The following MTHFD1L variants were observed in gnomAD, a reference collection of about 807,000 sequenced individuals.
MTHFD1L encodes the protein monofunctional C1-tetrahydrofolate synthase, mitochondrial.
In MTHFD1L, 81 loss-of-function variants were observed where a neutral mutation model predicts 119.5. The observed-to-expected ratio is 0.68, with a 90% confidence interval of 0.57 to 0.82. MTHFD1L has a LOEUF of 0.82. Ranked by LOEUF, MTHFD1L falls within the 40% of genes least tolerant of loss-of-function variation. The pLI is 0.00. For synonymous variants in MTHFD1L, 430 were observed against 475.2 expected, an observed-to-expected ratio of 0.90 and a Z score of 1.24; for missense variants, 1,125 against 1,253.4, an observed-to-expected ratio of 0.90 and a Z score of 1.55.
At chr6:151,040,035 G>C (rs1786846479) in intron 26 of MTHFD1L, among the ~76,000 whole-genome samples, 1 of 152,204 alleles carries the variant, frequency 6.6e-6, no homozygotes, top group Non-Finnish European at 1.5e-5. Flanking sequence ...TTGGCTTAGG[G>C]ATAAGAGGGC....
intron 20 of MTHFD1L, among the ~76,000 whole-genome samples, chr6:151,000,904 C>T (rs1460575046): frequency 6.6e-6 from 1 of 152,218 alleles, no homozygotes; most frequent in Non-Finnish European, 1.5e-5. Context: ...TTGCTTGTTC[C>T]TCTACAAAGC....
chr6:151,086,931 A>G (rs189638330), intron 26 of MTHFD1L, among the ~76,000 whole-genome samples: 1 of 152,146 alleles, frequency 6.6e-6, no homozygotes, highest in Non-Finnish European at 1.5e-5. Context: ...TAGTTACTTC[A>G]TTGAAAAGAA....
intron 20 of MTHFD1L, 121 bp downstream of exon 20, chr6:150,972,179 T>A (rs527383841): frequency 1.6e-5 from 13 of 823,544 alleles, no homozygotes; most frequent in Non-Finnish European, 2.5e-5. Flanking sequence ...CCCTCTTTCA[T>A]AGAGGGTCTC....
intron 25 of MTHFD1L, among the ~76,000 whole-genome samples, chr6:151,035,967 A>G (rs1400466509): frequency 6.6e-6 from 1 of 152,236 alleles, no homozygotes; most frequent in African/African-American, 2.4e-5. Flanking sequence ...TCTTATCGGT[A>G]TAGAAGAGTG....
At chr6:151,029,892 T>A (rs982068567) in intron 24 of MTHFD1L, among the ~76,000 whole-genome samples, 4 of 152,370 alleles carry the variant, frequency 2.6e-5, no homozygotes, top group Admixed American at 2.6e-4. Context: ...GTGAGTTTTT[T>A]AAATTATTAA....
chr6:150,910,239 C>A (rs1172003389), intron 8 of MTHFD1L, among the ~76,000 whole-genome samples: 1 of 151,416 alleles, frequency 6.6e-6, no homozygotes, highest in East Asian at 2.0e-4. Flanking sequence ...CAGGATTAAC[C>A]TAACTCAAGG....
At chr6:151,015,433 A>C (rs1452743649) in intron 23 of MTHFD1L, 83 bp from the exon 24 acceptor site, 1 of 1,453,582 alleles carries the variant, frequency 6.9e-7, no homozygotes, top group East Asian at 2.3e-5. Context: ...TAGGGAGCGA[A>C]GTTCTGTATA....
intron 27 of MTHFD1L, among the ~76,000 whole-genome samples, chr6:151,093,147 G>A (rs567470258): frequency 2.0e-5 from 3 of 152,116 alleles, no homozygotes; most frequent in Non-Finnish European, 4.4e-5. Flanking sequence ...ACGCCACCTC[G>A]AGACTCTGGG....
chr6:151,029,130 T>C (rs941956398), intron 24 of MTHFD1L, among the ~76,000 whole-genome samples: 2 of 151,428 alleles, frequency 1.3e-5, no homozygotes, highest in Non-Finnish European at 2.9e-5. Flanking sequence ...CTTAAAAATA[T>C]ATATTTTAGG....
intron 24 of MTHFD1L, among the ~76,000 whole-genome samples, chr6:151,017,317 T>A (rs1030252132): frequency 1.3e-5 from 2 of 151,874 alleles, no homozygotes; most frequent in African/African-American, 4.8e-5. Context: ...TAGCATAATG[T>A]GCGTGCATGT....
At chr6:150,899,436 G>A (rs145886267) in intron 7 of MTHFD1L, among the ~76,000 whole-genome samples, 5 of 152,322 alleles carry the variant, frequency 3.3e-5, no homozygotes, top group Admixed American at 3.3e-4. Flanking sequence ...CGTGAAGTGG[G>A]TAAAATACCT....
intron 20 of MTHFD1L, among the ~76,000 whole-genome samples, chr6:150,972,903 T>G (rs1481488294): frequency 6.6e-6 from 1 of 152,220 alleles, no homozygotes; most frequent in African/African-American, 2.4e-5. Context: ...CTCTTTGGCT[T>G]TTCTTGCATA....
intron 7 of MTHFD1L, chr6:150,898,897 G>C (rs542731116): frequency 1.5e-6 from 1 of 679,522 alleles, no homozygotes; most frequent in Non-Finnish European, 2.0e-6. Flanking sequence ...GAGTGCAGGC[G>C]CGTGATCTAG....
At chr6:150,951,905 A>C (rs1482225914) in intron 16 of MTHFD1L, among the ~76,000 whole-genome samples, 1 of 152,158 alleles carries the variant, frequency 6.6e-6, no homozygotes, top group Non-Finnish European at 1.5e-5. Flanking sequence ...TAAACCAAGC[A>C]TATGGATGTG....
chr6:151,020,569 G>C (rs1584172762), intron 24 of MTHFD1L, among the ~76,000 whole-genome samples: 2 of 152,312 alleles, frequency 1.3e-5, no homozygotes, highest in East Asian at 3.9e-4. Context: ...AGGCAGCAAT[G>C]AATAATTTAG....
chr6:150,918,238 A>G lies in MTHFD1L; in HGVS notation c.893-339A>G, dbSNP rs147660977. Among the ~76,000 whole-genome samples, 242 of 152,106 alleles carry G rather than the reference A, an allele frequency of 1.6e-3. 1 individual carries two copies. Among genetic ancestry groups the G allele is most frequent in the African/African-American group, 5.5e-3 (228 of 41,506 alleles). On this transcript the variant is annotated intron_variant, in intron 8 of 27. Transcript: ENST00000367321. ...ACGCCACCATGTCCAGCTGATTTTTATATTTTTAGTAGAGATGGGGTTTTG... is the reference window on the plus strand; with the variant it reads ...ACGCCACCATGTCCAGCTGATTTTTGTATTTTTAGTAGAGATGGGGTTTTG...
intron 21 of MTHFD1L, among the ~76,000 whole-genome samples, chr6:151,011,522 T>G (rs6557107): frequency 0.28 from 42,533 of 152,074 alleles, 6,633 homozygotes; most frequent in African/African-American, 0.4. Context: ...TCTACAGTCC[T>G]GGTCTCTTGA....
intron 5 of MTHFD1L, 86 bp downstream of exon 5, chr6:150,882,972 A>G (rs1781608759): frequency 4.8e-6 from 6 of 1,255,752 alleles, no homozygotes; most frequent in African/African-American, 1.6e-5. Context: ...AATTTCTTCT[A>G]TTTATTTCAA....
At chr6:151,052,381 C>T (rs1789199442) in intron 26 of MTHFD1L, among the ~76,000 whole-genome samples, 1 of 152,170 alleles carries the variant, frequency 6.6e-6, no homozygotes, top group Non-Finnish European at 1.5e-5. Flanking sequence ...AGACCCAATC[C>T]CTGTCCTGGA....
Sources: allele counts gnomAD v4.1 joint callset (sites outside exome capture counted in the v4.1 genomes callset), GRCh38; gene constraint gnomAD v4.1.1; transcripts MANE v1.5; gene names NCBI Gene and HGNC (gene_info 2026-07-23, HGNC 2026-07-21).